ARHGAP23: variants seen among roughly 807,000 people sequenced by gnomAD.
The protein encoded by ARHGAP23 is Rho GTPase activating protein 23.
ARHGAP23 carries 34 observed loss-of-function variants against 136.3 expected under a neutral mutation model. That is an observed-to-expected ratio of 0.25 (90% CI 0.19 to 0.33). ARHGAP23 has a LOEUF of 0.33. ARHGAP23 is among the 10% of genes least tolerant of loss of function. The probability of loss-of-function intolerance (pLI) is 1.00; values close to 1 mark genes in which losing one functional copy is unlikely to be tolerated. For synonymous variants in ARHGAP23, 832 were observed against 920.5 expected, an observed-to-expected ratio of 0.90 and a Z score of 1.74; for missense variants, 1,808 against 2,139.0, an observed-to-expected ratio of 0.85 and a Z score of 3.05.
At chr17:38,478,050 G>A (rs945453550) in intron 12 of ARHGAP23, among the ~76,000 whole-genome samples, 154 bp downstream of exon 12, 10 of 152,306 alleles carry the variant, frequency 6.6e-5, no homozygotes, top group Non-Finnish European at 1.2e-4. Flanking sequence ...CCAAGGTTTC[G>A]GGGTGAGGAG....
chr17:38,456,808 C>G (rs1343390401), intron 1 of ARHGAP23, among the ~76,000 whole-genome samples: 3 of 152,312 alleles, frequency 2.0e-5, no homozygotes, highest in East Asian at 3.9e-4. Context: ...GACCTGTGTG[C>G]CCCCTCCAAA....
At chr17:38,476,967 G>A (rs768351670) in intron 11 of ARHGAP23, among the ~76,000 whole-genome samples, 1 of 152,190 alleles carries the variant, frequency 6.6e-6, no homozygotes, top group Non-Finnish European at 1.5e-5. Flanking sequence ...AGCTGGGAAC[G>A]TGGGGTCTCA....
intron 1 of ARHGAP23, among the ~76,000 whole-genome samples, chr17:38,447,795 A>AG (rs145074533): frequency 0.17 from 26,606 of 152,254 alleles, 3,448 homozygotes; most frequent in African/African-American, 0.37. Flanking sequence ...TGGGTAAATC[A>AG]GGGGTACGGA....
chr17:38,467,878 C>T (rs771402940), intron 7 of ARHGAP23, among the ~76,000 whole-genome samples: 90 of 152,112 alleles, frequency 5.9e-4, no homozygotes, highest in Non-Finnish European at 9.3e-4. Context: ...CCTTTCCATC[C>T]ACCCTCCATC....
At chr17:38,489,967 C>G (rs976157946) in intron 17 of ARHGAP23, 135 bp from the exon 18 acceptor site, 22 of 762,728 alleles carry the variant, frequency 2.9e-5, no homozygotes, top group African/African-American at 2.6e-4. Flanking sequence ...TTCACATACA[C>G]AAGAGGCTGT....
intron 17 of ARHGAP23, among the ~76,000 whole-genome samples, chr17:38,487,298 A>G (rs1226887210): frequency 6.6e-6 from 1 of 152,244 alleles, no homozygotes; most frequent in Non-Finnish European, 1.5e-5. Context: ...AATTTCTTTA[A>G]GTACTCCTCT....
Position 38,482,100 on chromosome 17 carries a change from T to C in ARHGAP23, c.2708T>C (p.Phe903Ser), listed in dbSNP as rs1567814424. ...AATAAGAAGGCCGCTCCGAGGGCGT[T>C]TGGGGTCAGGCTGGAGGAGTGCCAG... ...KKNKKAAPRAFGVRLEECQPA... is the reference protein window; with the variant it reads ...KKNKKAAPRASGVRLEECQPA... Residue 903 changes from phenylalanine to serine, a missense_variant, in exon 15 of 24, where the codon TTT (phenylalanine) becomes TCT (serine). Phe to Ser is a radical substitution (Grantham distance 155). This residue lies in a region of ARHGAP23 where 73 missense variants were observed against 82.5 expected (regional missense o/e 0.88). Coordinates refer to ENST00000622683, the MANE Select transcript of ARHGAP23 (RefSeq NM_001199417.2). The C allele has an allele frequency of 6.5e-7, 1 of 1,550,240 alleles. No individual in the cohort carries two copies. The highest frequency in any genetic ancestry group is 8.7e-7 in the Non-Finnish European group (1 of 1,146,600).
intron 10 of ARHGAP23, among the ~76,000 whole-genome samples, chr17:38,470,364 C>A (rs1477773447): frequency 6.6e-6 from 1 of 152,222 alleles, no homozygotes. Flanking sequence ...TTTGGGGCTT[C>A]ATTTGTTTCC....
intron 20 of ARHGAP23, among the ~76,000 whole-genome samples, chr17:38,495,821 A>G (rs1472691818): frequency 1.3e-5 from 2 of 152,180 alleles, no homozygotes; most frequent in Non-Finnish European, 2.9e-5. Context: ...TTAAGTCTAC[A>G]TAATGAGATT....
At chr17:38,484,983 T>C (rs1247859566) in intron 16 of ARHGAP23, among the ~76,000 whole-genome samples, 1 of 152,122 alleles carries the variant, frequency 6.6e-6, no homozygotes, top group Non-Finnish European at 1.5e-5. Flanking sequence ...TTTCTGGGCC[T>C]GAGTTATTCT....
intron 23 of ARHGAP23, among the ~76,000 whole-genome samples, chr17:38,508,887 C>A (rs1189829532): frequency 6.6e-6 from 1 of 152,000 alleles, no homozygotes. Context: ...GAAGAAGAGT[C>A]CCGGAGCTCA....
intron 1 of ARHGAP23, among the ~76,000 whole-genome samples, chr17:38,421,468 G>A (rs964266065): frequency 2.2e-4 from 34 of 152,144 alleles, no homozygotes; most frequent in African/African-American, 7.5e-4. Context: ...TATGGAGTGC[G>A]TCTGAAATCA....
intron 1 of ARHGAP23, among the ~76,000 whole-genome samples, chr17:38,442,668 G>A (rs980443284): frequency 3.3e-5 from 5 of 152,194 alleles, no homozygotes; most frequent in African/African-American, 1.2e-4. Context: ...GAGTGAATCA[G>A]GGCATGGGTT....
At chr17:38,473,629 G>A (rs546634498) in intron 11 of ARHGAP23, among the ~76,000 whole-genome samples, 4 of 151,050 alleles carry the variant, frequency 2.6e-5, no homozygotes, top group East Asian at 2.0e-4. Flanking sequence ...CAGAGAGAAC[G>A]CATGTGGCGT....
chr17:38,424,597 C>A (rs1013045121), upstream of ARHGAP23, among the ~76,000 whole-genome samples: 2 of 152,178 alleles, frequency 1.3e-5, no homozygotes, highest in Admixed American at 1.3e-4. Flanking sequence ...GAATCTGAAC[C>A]ACACCCCTGG....
chr17:38,491,572 G>A, intron 20 of ARHGAP23, 40 bp downstream of exon 20: 1 of 1,548,690 alleles, frequency 6.5e-7, no homozygotes, highest in Non-Finnish European at 8.7e-7. Context: ...AGCCCCTGGG[G>A]CCCAGGCCAT....
chr17:38,498,923 C>T (rs1447591108), intron 22 of ARHGAP23: 1 of 700,164 alleles, frequency 1.4e-6, no homozygotes, highest in South Asian at 1.5e-5. Flanking sequence ...TCCCCCTCCC[C>T]TCCTCCAGCG....
chr17:38,508,486 G>A (rs886390263), intron 23 of ARHGAP23, among the ~76,000 whole-genome samples: 1 of 152,224 alleles, frequency 6.6e-6, no homozygotes, highest in East Asian at 1.9e-4. Flanking sequence ...TGGGGAACTT[G>A]TGCTTTATCC....
intron 6 of ARHGAP23, among the ~76,000 whole-genome samples, chr17:38,464,505 G>A (rs531662407): frequency 1.3e-5 from 2 of 152,318 alleles, no homozygotes; most frequent in South Asian, 2.1e-4. Flanking sequence ...TAATCACAGT[G>A]CCATGCCTGG....
Sources: gnomAD v4.1 joint callset for allele counts (sites outside exome capture counted in the v4.1 genomes callset) on GRCh38, gnomAD v4.1.1 for gene constraint, gnomAD v4.1.1 regional missense constraint, MANE v1.5 for transcripts, NCBI Gene and HGNC (gene_info 2026-07-23, HGNC 2026-07-21) for gene names.